The following BMPR1A variants were observed in gnomAD, a reference collection of about 807,000 sequenced individuals.
BMPR1A encodes the protein bone morphogenetic protein receptor type-1A.
BMPR1A carries 7 observed loss-of-function variants against 66.0 expected under a neutral mutation model. The ratio of observed to expected loss-of-function variants is 0.11; its 90% CI spans 0.06 to 0.20. The LOEUF is 0.20. Among genes scored for constraint, BMPR1A ranks in the 10% least tolerant of loss-of-function variants. BMPR1A has a pLI of 1.00. For synonymous variants in BMPR1A, 200 were observed against 229.7 expected, an observed-to-expected ratio of 0.87 and a Z score of 1.17; for missense variants, 408 against 669.1, an observed-to-expected ratio of 0.61 and a Z score of 4.31.
intron 5 of BMPR1A, among the ~76,000 whole-genome samples, chr10:86,897,765 C>G (rs1843246087): frequency 6.6e-6 from 1 of 152,066 alleles, no homozygotes; most frequent in Non-Finnish European, 1.5e-5. Context: ...TACCACCACA[C>G]CTGGCTGATT....
At chr10:86,864,446 C>G (rs567729909) in intron 2 of BMPR1A, among the ~76,000 whole-genome samples, 2 of 152,322 alleles carry the variant, frequency 1.3e-5, no homozygotes, top group African/African-American at 4.8e-5. Flanking sequence ...GCATCACAGA[C>G]ATATCACAAA....
chr10:86,877,209 CTTTTTT>C (rs10645210), intron 3 of BMPR1A, among the ~76,000 whole-genome samples: 1 of 138,402 alleles, frequency 7.2e-6, no homozygotes, highest in Non-Finnish European at 1.6e-5. Context: ...ATATTTTCAT[CTTTTTT>C]TTTTTTTTTT....
In BMPR1A at chr10:86,897,695, C is replaced by T. The variant is rs557577236; in HGVS notation, c.334-2099C>T. Reference sequence around the variant, plus strand: ...AATCACAGCTCACTGCAGCCTCAACCTCCTGGGTTCAAGTGATCCTCCCAC... The same window carrying T: ...AATCACAGCTCACTGCAGCCTCAACTTCCTGGGTTCAAGTGATCCTCCCAC... On this transcript the variant is annotated intron_variant, in intron 5 of 12. Transcript: ENST00000372037. Among the ~76,000 whole-genome samples, 6 of 152,302 alleles carry T rather than the reference C, an allele frequency of 3.9e-5. No individual in the cohort carries two copies. In the East Asian group the frequency reaches 1.2e-3, roughly 29 times the overall value.
At chr10:86,776,415 A>T (rs1369242076) in intron 1 of BMPR1A, among the ~76,000 whole-genome samples, 1 of 152,230 alleles carries the variant, frequency 6.6e-6, no homozygotes, top group African/African-American at 2.4e-5. Flanking sequence ...GGTTAGTGAA[A>T]ATAAAAATGT....
In BMPR1A at chr10:86,805,637, A is replaced by G. The variant is rs143067621; in HGVS notation, c.-267-33228A>G. Among the ~76,000 whole-genome samples, 730 of 151,618 alleles carry G rather than the reference A, an allele frequency of 4.8e-3. 9 individuals carry two copies. The highest frequency in any genetic ancestry group is 0.017 in the African/African-American group (688 of 41,358). The stretch of plus-strand genomic sequence containing the variant: ...CCACCACGCTGGGCTAATTTTTTGT[A>G]TTTTTAGTAGAGACGGGGTTTTGCC... On this transcript the variant is annotated intron_variant, in intron 1 of 12. Coordinates refer to ENST00000372037, the MANE Select transcript of BMPR1A (RefSeq NM_004329.3).
intron 1 of BMPR1A, among the ~76,000 whole-genome samples, chr10:86,806,386 A>G (rs1841889503): frequency 6.6e-6 from 1 of 152,098 alleles, no homozygotes; most frequent in Admixed American, 6.6e-5. Flanking sequence ...GGTCTTGACT[A>G]TTTATAGTTG....
At position 86,832,917 on chromosome 10, in the gene BMPR1A, A is replaced by G. The variant is rs369723729; in HGVS notation, c.-267-5948A>G. Among the ~76,000 whole-genome samples the G allele has an allele frequency of 1.2e-4, 18 of 152,308 alleles. No individual in the cohort carries two copies. The East Asian group carries it at 1.4e-3, about 11-fold the overall frequency. ...TGTGGGCACATATTTCTCTTGGGAA[A>G]AGGAAATTTTGGATCCTGTGATAAG... On this transcript the variant is annotated intron_variant, in intron 1 of 12. Coordinates refer to ENST00000372037, the MANE Select transcript of BMPR1A (RefSeq NM_004329.3).
At chr10:86,920,438 C>G (rs1326768608) in intron 10 of BMPR1A, among the ~76,000 whole-genome samples, 8 of 152,140 alleles carry the variant, frequency 5.3e-5, no homozygotes, top group African/African-American at 1.9e-4. Flanking sequence ...CCATTTTAAT[C>G]TTGTAATTCT....
chr10:86,786,651 G>A (rs1046179898), intron 1 of BMPR1A, among the ~76,000 whole-genome samples: 4 of 152,126 alleles, frequency 2.6e-5, no homozygotes, highest in Admixed American at 1.3e-4. Flanking sequence ...GATCTTATTT[G>A]ACCCACTGGC....
intron 7 of BMPR1A, among the ~76,000 whole-genome samples, chr10:86,908,882 ATCT>A (rs1208008686): frequency 2.0e-5 from 3 of 152,198 alleles, no homozygotes; most frequent in Non-Finnish European, 4.4e-5. Flanking sequence ...GGAAGGTGTC[ATCT>A]TCTCCTCTTC....
At chr10:86,906,076 C>T (rs545210543) in intron 7 of BMPR1A, among the ~76,000 whole-genome samples, 9 of 152,162 alleles carry the variant, frequency 5.9e-5, no homozygotes, top group Admixed American at 4.6e-4. Flanking sequence ...GCTGTAAGTC[C>T]TCTCAGCTTT....
chr10:86,852,352 A>C (rs1842582001), intron 2 of BMPR1A, among the ~76,000 whole-genome samples: 1 of 152,202 alleles, frequency 6.6e-6, no homozygotes, highest in South Asian at 2.1e-4. Context: ...CACCTAGAAC[A>C]AAACAATAGA....
chr10:86,835,549 CAAAAAAAAAAAAAAAAAAAAAA>C (rs55804247), intron 1 of BMPR1A, among the ~76,000 whole-genome samples: 88 of 44,340 alleles, frequency 2.0e-3, no homozygotes, highest in Admixed American at 3.3e-3. Flanking sequence ...GACTCTGTAT[CAAAAAAAAAAAAAAAAAAAAAA>C]AAAAAAAAAA....
At chr10:86,783,717 T>C (rs2132724382) in intron 1 of BMPR1A, among the ~76,000 whole-genome samples, 1 of 152,342 alleles carries the variant, frequency 6.6e-6, no homozygotes, top group South Asian at 2.1e-4. Context: ...GCCTTCCGCG[T>C]AGCTGGGACT....
chr10:86,921,162 T>C (rs559510411), intron 10 of BMPR1A, among the ~76,000 whole-genome samples: 36 of 152,246 alleles, frequency 2.4e-4, no homozygotes, highest in African/African-American at 8.4e-4. Context: ...CTTAACTTTA[T>C]CTTATATTCA....
intron 1 of BMPR1A, among the ~76,000 whole-genome samples, chr10:86,761,556 C>T (rs967751918): frequency 6.6e-6 from 1 of 152,180 alleles, no homozygotes. Context: ...TCTTTCTGGC[C>T]TAGCCCGGAT....
At chr10:86,767,261 T>G (rs1300167590) in intron 1 of BMPR1A, among the ~76,000 whole-genome samples, 1 of 152,256 alleles carries the variant, frequency 6.6e-6, no homozygotes, top group Non-Finnish European at 1.5e-5. Context: ...TGTTATACGC[T>G]CCTTTGATTT....
At chr10:86,811,729 G>T (rs1841973910) in intron 1 of BMPR1A, among the ~76,000 whole-genome samples, 1 of 152,176 alleles carries the variant, frequency 6.6e-6, no homozygotes, top group Non-Finnish European at 1.5e-5. Flanking sequence ...TAGCTTTGAT[G>T]CTGAATGCTG....
chr10:86,827,221 CT>C (rs200833264), intron 1 of BMPR1A, among the ~76,000 whole-genome samples: 21 of 148,598 alleles, frequency 1.4e-4, no homozygotes, highest in Admixed American at 2.7e-4. Flanking sequence ...CTTTAACATA[CT>C]TTTTTTTTTA....
Sources: allele counts gnomAD v4.1 joint callset (sites outside exome capture counted in the v4.1 genomes callset), GRCh38; gene constraint gnomAD v4.1.1; transcripts MANE v1.5; gene names NCBI Gene and HGNC (gene_info 2026-07-23, HGNC 2026-07-21).